G2E3: variants seen among roughly 807,000 people sequenced by gnomAD.
G2E3 encodes G2/M-phase specific E3 ubiquitin protein ligase.
Under a neutral mutation model 92.8 loss-of-function variants are expected in G2E3, and 35 were observed. That is an observed-to-expected ratio of 0.38 (90% CI 0.29 to 0.50). The LOEUF is 0.50. Among genes scored for constraint, G2E3 ranks in the 20% least tolerant of loss-of-function variants. The pLI, the probability that G2E3 is intolerant of heterozygous loss-of-function variation, is 0.94. For synonymous variants in G2E3, 242 were observed against 272.4 expected (o/e 0.89, Z 1.10); for missense variants, 554 against 823.8 (o/e 0.67, Z 4.01).
chr14:30,589,750 G>T (rs1008978197), intron 4 of G2E3, among the ~76,000 whole-genome samples: 1 of 151,988 alleles, frequency 6.6e-6, no homozygotes, highest in East Asian at 1.9e-4. Context: ...TTGACCATCA[G>T]AATTATGATC....
intron 6 of G2E3, among the ~76,000 whole-genome samples, chr14:30,596,310 C>T (rs767317800): frequency 2.6e-5 from 4 of 152,100 alleles, no homozygotes; most frequent in Non-Finnish European, 5.9e-5. Context: ...GCTTTAATTT[C>T]AGACACTCTT....
intron 1 of G2E3, among the ~76,000 whole-genome samples, chr14:30,572,888 G>T (rs73264309): frequency 0.017 from 2,554 of 152,208 alleles, 91 homozygotes; most frequent in African/African-American, 0.058. Context: ...TATAGAACAT[G>T]AAGGAAAGTC....
intron 6 of G2E3, among the ~76,000 whole-genome samples, chr14:30,597,020 G>GT (rs1251732488): frequency 6.6e-6 from 1 of 152,158 alleles, no homozygotes; most frequent in African/African-American, 2.4e-5. Flanking sequence ...TAGAGATTGA[G>GT]TTAAAAACAG....
In G2E3 at chr14:30,616,712, TG is replaced by T; in HGVS notation, c.*179del. On this transcript the variant is annotated 3_prime_UTR_variant, in exon 15 of 15. Coordinates refer to ENST00000206595, the MANE Select transcript of G2E3 (RefSeq NM_017769.5). The stretch of plus-strand genomic sequence containing the variant: ...ACTTAGGCTAAAAAAAGGTTTTTTT[TG>T]TTAAAGCATACTAGTCAAAATTGGT... 1 of 492,910 alleles carries T rather than the reference TG, an allele frequency of 2.0e-6. No homozygotes were observed. The highest frequency in any genetic ancestry group is 3.5e-6 in the Non-Finnish European group (1 of 284,538). The allele number at this position is 492,910 out of a possible 1,614,324, so 30.5% of individuals were successfully genotyped here.
chr14:30,559,940 G>A (rs927546728), intron 1 of G2E3: 10 of 152,206 alleles, frequency 6.6e-5, no homozygotes, highest in African/African-American at 2.4e-4. Context: ...GGTAACAGCG[G>A]TGGTGATTAA....
At chr14:30,585,630 G>T (rs1594482766) in intron 2 of G2E3, among the ~76,000 whole-genome samples, 6 of 141,472 alleles carry the variant, frequency 4.2e-5, no homozygotes, top group African/African-American at 2.6e-5. Flanking sequence ...CAGTTTTGTT[G>T]ATCTTTAAAA....
chr14:30,567,488 G>A (rs1018012050), intron 1 of G2E3, among the ~76,000 whole-genome samples: 2 of 151,952 alleles, frequency 1.3e-5, no homozygotes, highest in African/African-American at 4.8e-5. Flanking sequence ...TATTAGGTCT[G>A]TAGCAGTGTC....
rs1882389197 is a variant in G2E3, at chr14:30,617,930, A to AGTAAATCATTATTATAG, written c.*1408_*1409insTATAGGTAAATCATTAT. On this transcript the variant is annotated 3_prime_UTR_variant, in exon 15 of 15. Coordinates refer to ENST00000206595, the MANE Select transcript of G2E3 (RefSeq NM_017769.5). ...ATATAATGGTTCAGTTTTCCATGAAAGTAAATCATTATGGGAAGTAAAATG... is the reference window on the plus strand; with the variant it reads ...ATATAATGGTTCAGTTTTCCATGAAAGTAAATCATTATTATAGGTAAATCATTATGGGAAGTAAAATG... 1 of 151,412 alleles carries AGTAAATCATTATTATAG rather than the reference A, an allele frequency of 6.6e-6. No individual in the cohort carries two copies. Among genetic ancestry groups the AGTAAATCATTATTATAG allele is most frequent in the Non-Finnish European group, 1.5e-5 (1 of 67,728 alleles). 9.4% of individuals were successfully genotyped at this position (151,412 alleles called of 1,614,324 possible).
rs1882365372 is a variant in G2E3, at chr14:30,617,431, G to A, written c.*897G>A. On this transcript the variant is annotated 3_prime_UTR_variant, in exon 15 of 15. Coordinates refer to ENST00000206595, the MANE Select transcript of G2E3 (RefSeq NM_017769.5). ...GTTGTTGTTGTTGTTTGTATCCTAT[G>A]TTTGGTATTCTGTATGTCTGATCCA... 2 of 151,914 alleles carry A rather than the reference G, an allele frequency of 1.3e-5. No individual in the cohort carries two copies. Among genetic ancestry groups the A allele is most frequent in the Admixed American group, 6.6e-5 (1 of 15,256 alleles). 9.4% of individuals were successfully genotyped at this position (151,914 alleles called of 1,614,324 possible).
At chr14:30,603,267 A>C in intron 10 of G2E3, among the ~76,000 whole-genome samples, 1 of 151,514 alleles carries the variant, frequency 6.6e-6, no homozygotes, top group Non-Finnish European at 1.5e-5. Flanking sequence ...CGGAGGTTGC[A>C]GTCAGCCAAG....
At chr14:30,569,617 G>A (rs968686125) in intron 1 of G2E3, among the ~76,000 whole-genome samples, 12 of 152,162 alleles carry the variant, frequency 7.9e-5, no homozygotes, top group African/African-American at 2.9e-4. Context: ...TAAAAAAGAT[G>A]CCACCTGCTT....
chr14:30,566,076 C>T (rs184354312), intron 1 of G2E3, among the ~76,000 whole-genome samples: 12 of 152,264 alleles, frequency 7.9e-5, no homozygotes, highest in Admixed American at 6.5e-4. Flanking sequence ...TACTATAAAA[C>T]GTGAGTTTAT....
intron 12 of G2E3, among the ~76,000 whole-genome samples, chr14:30,610,630 T>C (rs1181872700): frequency 6.6e-6 from 1 of 152,104 alleles, no homozygotes; most frequent in Non-Finnish European, 1.5e-5. Flanking sequence ...CATAAATACA[T>C]ACATGCATAC....
At chr14:30,562,242 TAAAATA>T (rs1453744854) in intron 1 of G2E3, among the ~76,000 whole-genome samples, 1 of 152,092 alleles carries the variant, frequency 6.6e-6, no homozygotes, top group Non-Finnish European at 1.5e-5. Context: ...AATAAAATAA[TAAAATA>T]AGAATAGTTA....
intron 1 of G2E3, among the ~76,000 whole-genome samples, chr14:30,564,918 G>A (rs1449802844): frequency 6.6e-6 from 1 of 152,090 alleles, no homozygotes; most frequent in Non-Finnish European, 1.5e-5. Context: ...GATCTCTTTT[G>A]TGAATAGTGC....
chr14:30,596,406 A>AC (rs1388669889), intron 6 of G2E3, among the ~76,000 whole-genome samples: 8 of 152,102 alleles, frequency 5.3e-5, no homozygotes, highest in Admixed American at 4.6e-4. Context: ...TAACTTACCT[A>AC]CCTAGCCTCT....
At chr14:30,561,179 TTCTC>T (rs1008300661) in intron 1 of G2E3, among the ~76,000 whole-genome samples, 1 of 152,218 alleles carries the variant, frequency 6.6e-6, no homozygotes, top group Non-Finnish European at 1.5e-5. Context: ...ATCACATACA[TTCTC>T]TCATTAATCT....
intron 4 of G2E3, 43 bp downstream of exon 4, chr14:30,589,527 T>A: frequency 1.0e-6 from 1 of 989,684 alleles, no homozygotes; most frequent in Non-Finnish European, 1.6e-6. Context: ...ATAAATATTG[T>A]CAATACTTGG....
Position 30,562,915 on chromosome 14 carries a change from G to A in G2E3, c.-5+3643G>A, listed in dbSNP as rs576424133. 2.4e-4 allele frequency among the ~76,000 whole-genome samples: 37 copies of A among 152,316 alleles called. No homozygotes were observed. In the South Asian group the frequency reaches 6.8e-3, roughly 28 times the overall value. On this transcript the variant is annotated intron_variant, in intron 1 of 14. Coordinates refer to ENST00000206595, the MANE Select transcript of G2E3 (RefSeq NM_017769.5). ...CCTGTCCAGTGGACACGTGACCCAC[G>A]TGAACTTACCTATCATTGGAGATGG... is the stretch of plus-strand genomic sequence containing the variant.
Sources: gnomAD v4.1 joint callset for allele counts (sites outside exome capture counted in the v4.1 genomes callset) on GRCh38, gnomAD v4.1.1 for gene constraint, MANE v1.5 for transcripts, NCBI Gene and HGNC (gene_info 2026-07-23, HGNC 2026-07-21) for gene names.